Variants in EIF4G3 observed in about 807,000 individuals in gnomAD.
EIF4G3 encodes the protein eukaryotic translation initiation factor 4 gamma 3.
In EIF4G3, 34 loss-of-function variants were observed where a neutral mutation model predicts 186.4. That is an observed-to-expected ratio of 0.18 (90% CI 0.14 to 0.24). The LOEUF (loss-of-function observed/expected upper bound fraction) is 0.24, where lower values mean the gene tolerates loss of function less well. Among genes scored for constraint, EIF4G3 ranks in the 10% least tolerant of loss-of-function variants. The pLI, the probability that EIF4G3 is intolerant of heterozygous loss-of-function variation, is 1.00. For synonymous variants in EIF4G3, 673 were observed against 679.5 expected, an observed-to-expected ratio of 0.99 and a Z score of 0.15; for missense variants, 1,536 against 1,948.5, an observed-to-expected ratio of 0.79 and a Z score of 3.99.
At chr1:20,987,247 C>A (rs890584865) in intron 7 of EIF4G3, among the ~76,000 whole-genome samples, 1 of 152,170 alleles carries the variant, frequency 6.6e-6, no homozygotes, top group African/African-American at 2.4e-5. Context: ...ACAAAAACAC[C>A]TCTAACAAAT....
At chr1:21,026,463 G>A (rs769861698) in intron 4 of EIF4G3, among the ~76,000 whole-genome samples, 5 of 151,286 alleles carry the variant, frequency 3.3e-5, no homozygotes, top group South Asian at 2.1e-4. Flanking sequence ...GAGAGAAAAC[G>A]CTCTGAAACA....
intron 9 of EIF4G3, among the ~76,000 whole-genome samples, 156 bp from the exon 10 acceptor site, chr1:20,980,604 A>C (rs1038760099): frequency 1.3e-5 from 2 of 152,232 alleles, no homozygotes; most frequent in African/African-American, 4.8e-5. Context: ...AAACACATTA[A>C]AAATGCTTGC....
At chr1:21,156,267 G>A (rs749085085) in intron 2 of EIF4G3, among the ~76,000 whole-genome samples, 3 of 152,116 alleles carry the variant, frequency 2.0e-5, no homozygotes, top group Non-Finnish European at 4.4e-5. Flanking sequence ...GTTGTGCTGC[G>A]TTGATCCTCC....
chr1:21,073,388 C>T (rs1266482185), intron 3 of EIF4G3, among the ~76,000 whole-genome samples: 2 of 152,106 alleles, frequency 1.3e-5, no homozygotes, highest in East Asian at 3.9e-4. Flanking sequence ...GCATTAACCA[C>T]GTTTCAAGTG....
At chr1:20,854,712 TATAAATAA>T (rs375345484) in intron 26 of EIF4G3, among the ~76,000 whole-genome samples, 5,040 of 148,002 alleles carry the variant, frequency 0.034, 103 homozygotes, top group Middle Eastern at 0.053. Context: ...CTCAAAAATA[TATAAATAA>T]ATAAATAAAT....
At chr1:20,941,207 G>C (rs567392882) in intron 14 of EIF4G3, 2 of 1,513,014 alleles carry the variant, frequency 1.3e-6, no homozygotes, top group Admixed American at 4.4e-5. Flanking sequence ...ATATGAATGA[G>C]GCAATAGCAA....
intron 18 of EIF4G3, chr1:20,893,093 C>CTTTT (rs1184859243): frequency 8.2e-5 from 12 of 145,596 alleles, no homozygotes; most frequent in South Asian, 5.6e-4. Flanking sequence ...TTTTTCTTTT[C>CTTTT]TTTTTTTTTT....
At chr1:20,959,440 A>T (rs1036067293) in intron 12 of EIF4G3, among the ~76,000 whole-genome samples, 1 of 152,080 alleles carries the variant, frequency 6.6e-6, no homozygotes, top group Non-Finnish European at 1.5e-5. Flanking sequence ...ATTCTAGAAG[A>T]TAACATTGGA....
intron 4 of EIF4G3, among the ~76,000 whole-genome samples, chr1:21,023,417 C>T (rs1037556368): frequency 7.3e-5 from 11 of 151,640 alleles, no homozygotes; most frequent in East Asian, 1.9e-4. Flanking sequence ...TGCAGGCACG[C>T]GCCGCCATGC....
intron 4 of EIF4G3, among the ~76,000 whole-genome samples, chr1:21,043,812 T>C (rs1380135820): frequency 7.1e-6 from 1 of 140,950 alleles, no homozygotes; most frequent in African/African-American, 2.7e-5. Context: ...AGGTGGAGAC[T>C]GCAGTGAGCA....
rs1452078827 is a variant in EIF4G3 at position 20,941,218 on chromosome 1, C to G, written c.1663+273G>C. 3.3e-6 allele frequency: 5 copies of G among 1,510,348 alleles called. No homozygotes were observed. The Admixed American group carries it at 6.7e-5, about 20-fold the overall frequency. 93.6% of individuals were successfully genotyped at this position (1,510,348 alleles called of 1,614,324 possible). A position where few individuals can be genotyped will look rare whatever the true frequency, so the allele number is the denominator to read the frequency against. On this transcript the variant is annotated intron_variant, in intron 14 of 36. Coordinates refer to ENST00000602326, the MANE Select transcript of EIF4G3 (RefSeq NM_001391906.1). The stretch of plus-strand genomic sequence containing the variant: ...ATTCATATGAATGAGGCAATAGCAA[C>G]AACAACAACAACAAAACCCAACATG...
intron 4 of EIF4G3, among the ~76,000 whole-genome samples, chr1:21,034,776 G>A (rs759474139): frequency 3.3e-5 from 5 of 152,144 alleles, no homozygotes; most frequent in Non-Finnish European, 7.4e-5. Context: ...CCCGTACTTC[G>A]GCAGTAGGCT....
chr1:21,152,465 C>A (rs1310224715), intron 2 of EIF4G3, among the ~76,000 whole-genome samples: 17 of 149,220 alleles, frequency 1.1e-4, no homozygotes, highest in South Asian at 1.1e-3. Context: ...AAAAAAAAAA[C>A]CAGAAAAATA....
chr1:20,965,799 C>A (rs1050501172), intron 12 of EIF4G3, among the ~76,000 whole-genome samples: 1 of 152,074 alleles, frequency 6.6e-6, no homozygotes, highest in South Asian at 2.1e-4. Flanking sequence ...ATATTCATTG[C>A]GCACCAGGCA....
Position 20,814,756 on chromosome 1 carries a change from TC to T in EIF4G3, c.4516-1518del, listed in dbSNP as rs771917267. ...TTAAGGTTAAAAATTCATCTCCCCC[TC>T]CCCCTCCCCCTCCCCCTCCCCCTCC... On this transcript the variant is annotated intron_variant, in intron 34 of 36. Transcript: ENST00000602326. Among the ~76,000 whole-genome samples the T allele has an allele frequency of 2.7e-3, 64 of 23,684 alleles. 2 individuals carry two copies. The highest frequency in any genetic ancestry group is 0.011 in the African/African-American group (63 of 5,644). 15.5% of individuals were successfully genotyped at this position (23,684 alleles called of 152,430 possible).
chr1:20,816,009 G>A, intron 34 of EIF4G3, among the ~76,000 whole-genome samples: 1 of 74,022 alleles, frequency 1.4e-5, no homozygotes, highest in African/African-American at 5.4e-5. Context: ...TGGGAAGTGA[G>A]GATCCCTCTG....
chr1:20,854,579 C>CTA (rs1397046350), intron 26 of EIF4G3, among the ~76,000 whole-genome samples: 2 of 150,600 alleles, frequency 1.3e-5, no homozygotes, highest in Non-Finnish European at 1.5e-5. Flanking sequence ...ATGGCGTGCA[C>CTA]CTGTAGTCCC....
intron 6 of EIF4G3, among the ~76,000 whole-genome samples, chr1:20,998,228 C>G (rs1558631077): frequency 6.7e-6 from 1 of 149,486 alleles, no homozygotes; most frequent in Admixed American, 6.7e-5. Context: ...CACACACACA[C>G]ACACACACAC....
At chr1:20,999,600 C>T (rs549683239) in intron 6 of EIF4G3, 4 of 342,032 alleles carry the variant, frequency 1.2e-5, no homozygotes, top group Non-Finnish European at 2.3e-5. Flanking sequence ...TTTCTATGAA[C>T]AAGAAGAGTA....
Sources: allele counts gnomAD v4.1 joint callset (sites outside exome capture counted in the v4.1 genomes callset), GRCh38; gene constraint gnomAD v4.1.1; transcripts MANE v1.5; gene names NCBI Gene and HGNC (gene_info 2026-07-23, HGNC 2026-07-21).